Variants in NKIRAS2 observed in about 807,000 individuals in gnomAD.
The protein encoded by NKIRAS2 is NF-kappa-B inhibitor-interacting Ras-like protein 2.
A neutral mutation model predicts 20.7 loss-of-function variants in NKIRAS2; 15 were observed. The observed-to-expected ratio is 0.73, with a 90% CI of 0.49 to 1.12. NKIRAS2 has a LOEUF of 1.12. Among genes scored for constraint, NKIRAS2 ranks in the 50% most tolerant of loss-of-function variants. NKIRAS2 has a pLI of 0.00. For synonymous variants in NKIRAS2, 116 were observed against 101.4 expected (o/e 1.14, Z -0.87); for missense variants, 196 against 249.6 (o/e 0.79, Z 1.45).
At chr17:42,019,605 C>T (rs1424526848), upstream of NKIRAS2, among the ~76,000 whole-genome samples, 3 of 152,184 alleles carry the variant, frequency 2.0e-5, no homozygotes, top group African/African-American at 4.8e-5. Flanking sequence ...GCCGTTTCCT[C>T]CACCCTAGAA....
upstream of NKIRAS2, chr17:42,017,581 T>A: frequency 1.2e-6 from 1 of 836,280 alleles, no homozygotes; most frequent in Non-Finnish European, 1.8e-6. Context: ...CCCCCGGATG[T>A]CCACGGTGGT....
chr17:42,023,652 A>G lies in NKIRAS2; in HGVS notation c.337-2A>G. On this transcript the variant is annotated splice_acceptor_variant, in intron 3 of 3. Coordinates refer to ENST00000393885, the MANE Select transcript of NKIRAS2 (RefSeq NM_017595.6). LOFTEE classifies it high-confidence loss of function. ...GGCCTATGCTCTGTCCCTCTTCCCC[A>G]GGTCACCATCGTGGTCCTTGGCAAC... The G allele has an allele frequency of 4.3e-6, 7 of 1,613,750 alleles. No homozygotes were observed. Among genetic ancestry groups the G allele is most frequent in the Non-Finnish European group, 5.9e-6 (7 of 1,179,764 alleles).
upstream of NKIRAS2, among the ~76,000 whole-genome samples, chr17:42,019,156 C>T (rs2052384148): frequency 6.6e-6 from 1 of 152,038 alleles, no homozygotes; most frequent in Non-Finnish European, 1.5e-5. Context: ...ATCTGTAGTC[C>T]CAGCTATTTG....
upstream of NKIRAS2, among the ~76,000 whole-genome samples, chr17:42,018,954 AATT>A (rs2052378605): frequency 6.6e-6 from 1 of 152,210 alleles, no homozygotes; most frequent in South Asian, 2.1e-4. Flanking sequence ...TGTTGGATGT[AATT>A]ATTATCTTTC....
upstream of NKIRAS2, among the ~76,000 whole-genome samples, chr17:42,018,700 T>A (rs1396458925): frequency 6.6e-6 from 1 of 152,210 alleles, no homozygotes; most frequent in Non-Finnish European, 1.5e-5. Flanking sequence ...AGCCAACCTG[T>A]CTCACCATCT....
At position 42,024,023 on chromosome 17, in the gene NKIRAS2, C is replaced by T. The variant is rs1326671093; in HGVS notation, c.*130C>T. 2.1e-6 allele frequency: 3 copies of T among 1,413,324 alleles called. No homozygotes were observed. The highest frequency in any genetic ancestry group is 9.4e-7 in the Non-Finnish European group (1 of 1,066,272). 87.5% of individuals were successfully genotyped at this position (1,413,324 alleles called of 1,614,324 possible). A position where few individuals can be genotyped will look rare whatever the true frequency, so the allele number is the denominator to read the frequency against. ...CCAGGGAGCTCCCCGCCAGGCCACG[C>T]CCCAGCCACTTTGCTCCCTCTCACC... On this transcript the variant is annotated 3_prime_UTR_variant, in exon 4 of 4. Transcript: ENST00000393885.
intron 3 of NKIRAS2, chr17:42,023,124 C>T (rs1555653443): frequency 3.0e-6 from 1 of 328,166 alleles, no homozygotes; most frequent in African/African-American, 2.2e-5. Flanking sequence ...CTGCCTCAGC[C>T]CCCTGCTAAG....
In NKIRAS2 at chr17:42,022,816, G is replaced by A. The variant is rs183681328; in HGVS notation, c.336+176G>A. ...TCAGGATTGGCTGCATGTTGAGTCT[G>A]CTCAACAAAAGAGGCCTCTTTGTGG... On this transcript the variant is annotated intron_variant, in intron 3 of 3. Coordinates refer to ENST00000393885, the MANE Select transcript of NKIRAS2 (RefSeq NM_017595.6). 2.0e-5 allele frequency among the ~76,000 whole-genome samples: 3 copies of A among 152,214 alleles called. No individual in the cohort carries two copies. The East Asian group carries it at 5.8e-4, about 29-fold the overall frequency.
In NKIRAS2 at chr17:42,021,687, G is replaced by A. The variant is rs782566390; in HGVS notation, c.94+16G>A. 4.4e-6 allele frequency: 7 copies of A among 1,607,108 alleles called. No homozygotes were observed. The highest frequency in any genetic ancestry group is 1.1e-5 in the South Asian group (1 of 90,950). ...CATGTAGTGGGTGAGTGTTGTTGGA[G>A]GGGGAGGAACAGTGGAAGAAGTTGA... On this transcript the variant is annotated intron_variant, in intron 2 of 3. Coordinates refer to ENST00000393885, the MANE Select transcript of NKIRAS2 (RefSeq NM_017595.6).
upstream of NKIRAS2, among the ~76,000 whole-genome samples, chr17:42,019,549 T>C (rs1300768632): frequency 1.3e-5 from 2 of 152,208 alleles, no homozygotes; most frequent in Non-Finnish European, 2.9e-5. Context: ...CTACCACCAA[T>C]ATTGAACCCA....
At position 42,023,877 on chromosome 17, in the gene NKIRAS2, G is replaced by T. The variant is rs782250085; in HGVS notation, c.560G>T (p.Gly187Val). ...CTCAGCCGGAAGAACAAGGGCAGCG[G>T]CTCCTTGGATGGCTGAAGAGCTGCC... ...FPLSRKNKGS[G>V]SLDG is the part of the protein sequence containing the mutation. Residue 187 changes from glycine (G) to valine (V), a missense_variant, in exon 4 of 4, where the codon GGC (glycine) becomes GTC (valine). Physicochemically the swap from Gly to Val is moderately radical, Grantham distance 109 (BLOSUM62 -3). Coordinates refer to ENST00000393885, the MANE Select transcript of NKIRAS2 (RefSeq NM_017595.6). 2 of 1,614,128 alleles carry T rather than the reference G, an allele frequency of 1.2e-6. No individual in the cohort carries two copies. The highest frequency in any genetic ancestry group is 1.7e-6 in the Non-Finnish European group (2 of 1,179,998).
In NKIRAS2 at chr17:42,021,768, G is replaced by A. The variant is rs943466459; in HGVS notation, c.94+97G>A. The A allele has an allele frequency of 8.8e-6, 10 of 1,135,960 alleles. No individual in the cohort carries two copies. In the African/African-American group the frequency reaches 1.5e-4, roughly 17 times the overall value. 70.4% of individuals were successfully genotyped at this position (1,135,960 alleles called of 1,614,324 possible). A position where few individuals can be genotyped will look rare whatever the true frequency, so the allele number is the denominator to read the frequency against. ...ACACAGGCTAAAAGCTGCTCCTGGT[G>A]GTTTTCCCCCCTGGAAGAATAAAAC... On this transcript the variant is annotated intron_variant, in intron 2 of 3. Coordinates refer to ENST00000393885, the MANE Select transcript of NKIRAS2 (RefSeq NM_017595.6).
In NKIRAS2 at chr17:42,022,454, C is replaced by A. The variant is rs1317516311; in HGVS notation, c.150C>A (p.Asp50Glu). The change falls in exon 3 of 4, where the codon GAC becomes GAA. Residue 50 changes from aspartate to glutamate, a missense_variant. Coordinates refer to ENST00000393885, the MANE Select transcript of NKIRAS2 (RefSeq NM_017595.6). ...EDIYVGSIET[D>E]RGVREQVRFY... ...TCTACGTGGGCTCCATTGAGACAGA[C>A]CGGGGGGTGCGAGAGCAGGTGCGTT... The A allele has an allele frequency of 1.9e-6, 3 of 1,611,010 alleles. No individual in the cohort carries two copies. The highest frequency in any genetic ancestry group is 2.2e-5 in the East Asian group (1 of 44,762).
intron 2 of NKIRAS2, chr17:42,022,147 T>C: frequency 2.1e-6 from 1 of 479,798 alleles, no homozygotes; most frequent in Non-Finnish European, 3.8e-6. Context: ...AGGTGGAGGT[T>C]GCGGTGAGCC....
chr17:42,023,369 G>C (rs571500522), intron 3 of NKIRAS2, among the ~76,000 whole-genome samples: 13 of 152,300 alleles, frequency 8.5e-5, no homozygotes, highest in African/African-American at 2.9e-4. Context: ...CTCACCTGTT[G>C]TTGAGCCAGA....
upstream of NKIRAS2, among the ~76,000 whole-genome samples, chr17:42,019,130 G>A (rs2143419465): frequency 6.6e-6 from 1 of 152,222 alleles, no homozygotes; most frequent in African/African-American, 2.4e-5. Context: ...GGAATAGGCT[G>A]GGTGTGGTGG....
chr17:42,018,014 G>T (rs1555652301), upstream of NKIRAS2, among the ~76,000 whole-genome samples: 1 of 152,106 alleles, frequency 6.6e-6, no homozygotes, highest in Non-Finnish European at 1.5e-5. Flanking sequence ...ACACCAACTG[G>T]TTCATCACCC....
At chr17:42,022,992 C>G (rs1555653402) in intron 3 of NKIRAS2, 2 of 290,944 alleles carry the variant, frequency 6.9e-6, no homozygotes, top group South Asian at 6.4e-5. Context: ...GAAAGCCCTT[C>G]TTTTGTTTGT....
rs781786973 is a variant in NKIRAS2 at position 42,023,854 on chromosome 17, C to T, written c.537C>T (p.Leu179=). ...TQPQSKSAFP[L]SRKNKGSGSL... ...CCCAGAGCAAGTCTGCCTTCCCCCTCAGCCGGAAGAACAAGGGCAGCGGCT... is the reference window on the plus strand; with the variant it reads ...CCCAGAGCAAGTCTGCCTTCCCCCTTAGCCGGAAGAACAAGGGCAGCGGCT... The change falls in exon 4 of 4, where the codon CTC becomes CTT. Residue 179 remains leucine, a synonymous_variant. Transcript: ENST00000393885. 6.2e-7 allele frequency: 1 copy of T among 1,614,178 alleles called. No individual in the cohort carries two copies.
Sources: gnomAD v4.1 joint callset for allele counts (sites outside exome capture counted in the v4.1 genomes callset) on GRCh38, gnomAD v4.1.1 for gene constraint, MANE v1.5 for transcripts, NCBI Gene and HGNC (gene_info 2026-07-23, HGNC 2026-07-21) for gene names.